CSF1R: variants seen among roughly 807,000 people sequenced by gnomAD.
The protein encoded by CSF1R is colony stimulating factor 1 receptor, also known as macrophage colony-stimulating factor 1 receptor.
Under a neutral mutation model 110.0 loss-of-function variants are expected in CSF1R, and 40 were observed. That is an observed-to-expected ratio of 0.36 (90% CI 0.28 to 0.47). CSF1R has a LOEUF of 0.47. Among genes scored for constraint, CSF1R ranks in the 20% least tolerant of loss-of-function variants. The probability of loss-of-function intolerance (pLI) is 0.99; values close to 1 mark genes in which losing one functional copy is unlikely to be tolerated. For missense variants in CSF1R, 1,052 were observed against 1,253.0 expected (o/e 0.84, Z 2.42); for synonymous variants, 523 against 503.4 (o/e 1.04, Z -0.52).
At chr5:150,065,858 A>T (rs960549686) in intron 10 of CSF1R, among the ~76,000 whole-genome samples, 1 of 152,156 alleles carries the variant, frequency 6.6e-6, no homozygotes, top group Non-Finnish European at 1.5e-5. Flanking sequence ...AGAGTTCCTA[A>T]ACCACAGCCA....
chr5:150,061,454 C>CCCCCCCTCCCTT, intron 12 of CSF1R, 37 bp downstream of exon 12: 1 of 190,032 alleles, frequency 5.3e-6, no homozygotes, highest in Admixed American at 6.8e-5. Context: ...GCATCTACCA[C>CCCCCCCTCCCTT]CCCCCATCCC....
chr5:150,054,921 T>C (rs1372915171), intron 19 of CSF1R: 3 of 297,216 alleles, frequency 1.0e-5, no homozygotes, highest in Non-Finnish European at 1.9e-5. Context: ...GCCCTGAAGA[T>C]TGAGGCTGCA....
chr5:150,109,062 C>A (rs564753241), intron 1 of CSF1R, among the ~76,000 whole-genome samples: 71,395 of 121,252 alleles, frequency 0.59, 19,833 homozygotes, highest in East Asian at 0.86. Flanking sequence ...AAGCCCGCCC[C>A]CCCCCCACCA....
chr5:150,088,607 C>T (rs967027677), upstream of CSF1R, among the ~76,000 whole-genome samples: 1 of 151,758 alleles, frequency 6.6e-6, no homozygotes, highest in Non-Finnish European at 1.5e-5. Context: ...AATCTCGGCT[C>T]ACTGCAACCT....
chr5:150,102,168 G>C lies in CSF1R; in HGVS notation c.-181+11093C>G, dbSNP rs577217658. ...TCCATTCATAGAAGTGGGATCGCCG[G>C]GTCAAAGGGTAGGTACGTTAAAACA... On this transcript the variant is annotated intron_variant, in intron 1 of 21. Coordinates refer to the CSF1R transcript ENST00000286301. Among the ~76,000 whole-genome samples the C allele has an allele frequency of 9.2e-5, 14 of 152,126 alleles. No individual in the cohort carries two copies. In the South Asian group the frequency reaches 2.9e-3, roughly 32 times the overall value.
Position 150,054,126 on chromosome 5 carries a change from G to A in CSF1R, c.2862C>T (p.Cys954=), listed in dbSNP as rs56005231. The A allele has an allele frequency of 3.9e-4, 627 of 1,613,962 alleles. No individual in the cohort carries two copies. The highest frequency in any genetic ancestry group is 3.7e-3 in the African/African-American group (275 of 75,034). The change falls in exon 21 of 21, where the codon TGC becomes TGT. Residue 954 remains cysteine (C), a synonymous_variant. Transcript: ENST00000675795. ...EESSSEHLTC[C]EQGDIAQPLL... The stretch of plus-strand genomic sequence containing the variant: ...AGGGCTGGGCGATATCCCCTTGCTC[G>A]CAGCAGGTCAGGTGCTCACTAGAGC...
chr5:150,066,977 C>T (rs963348097), intron 10 of CSF1R: 6 of 153,476 alleles, frequency 3.9e-5, no homozygotes, highest in Non-Finnish European at 7.3e-5. Flanking sequence ...CTCCAAAGCC[C>T]GTCCCACCAA....
intron 9 of CSF1R, among the ~76,000 whole-genome samples, chr5:150,068,884 T>C (rs1209972199): frequency 6.6e-6 from 1 of 152,208 alleles, no homozygotes; most frequent in Non-Finnish European, 1.5e-5. Context: ...GAGAACATAA[T>C]TTCCACTTCC....
intron 1 of CSF1R, among the ~76,000 whole-genome samples, chr5:150,085,723 A>G (rs1001859671): frequency 5.3e-5 from 8 of 152,134 alleles, no homozygotes; most frequent in Non-Finnish European, 8.8e-5. Context: ...AGAGAGGCCA[A>G]CCTCTTGTCT....
upstream of CSF1R, among the ~76,000 whole-genome samples, chr5:150,087,941 G>A (rs1314386450): frequency 1.3e-5 from 2 of 152,134 alleles, no homozygotes; most frequent in Non-Finnish European, 2.9e-5. Context: ...TCACCATGTT[G>A]TCCAGGCTGG....
At chr5:150,079,958 C>G in intron 3 of CSF1R, 94 bp downstream of exon 3, 1 of 1,429,582 alleles carries the variant, frequency 7.0e-7, no homozygotes, top group Non-Finnish European at 9.6e-7. Context: ...CCACTGCCCC[C>G]CATCACACCC....
chr5:150,062,371 A>G (rs1757570760), intron 10 of CSF1R, among the ~76,000 whole-genome samples: 1 of 146,648 alleles, frequency 6.8e-6, no homozygotes, highest in Non-Finnish European at 1.5e-5. Context: ...CAGTTTCCAG[A>G]GCTCTTTTCA....
At chr5:150,093,182 G>A (rs762263579) in intron 1 of CSF1R, among the ~76,000 whole-genome samples, 8 of 152,240 alleles carry the variant, frequency 5.3e-5, no homozygotes, top group Middle Eastern at 6.8e-3. Flanking sequence ...AGGTTCAAGC[G>A]ATTCTCACGC....
At position 150,061,539 on chromosome 5, in the gene CSF1R, G is replaced by A; in HGVS notation, c.1810C>T (p.Leu604=). Reference sequence around the variant, plus strand: ...TTCAGGACAGCATCCTCCTTGCCCAGACCAAAGGCCGTGGCCTCCACCACC... The same window carrying A: ...TTCAGGACAGCATCCTCCTTGCCCAAACCAAAGGCCGTGGCCTCCACCACC... ...GKVVEATAFG[L]GKEDAVLKVA... The change falls in exon 12 of 21, where the codon CTG becomes TTG. Residue 604 remains leucine (L), a synonymous_variant. Coordinates refer to ENST00000675795, the MANE Select transcript of CSF1R (RefSeq NM_001288705.3). The A allele has an allele frequency of 6.4e-7, 1 of 1,565,618 alleles. No homozygotes were observed. Among genetic ancestry groups the A allele is most frequent in the East Asian group, 2.4e-5 (1 of 41,990 alleles).
Position 150,061,599 on chromosome 5 carries a change from C to CCACG in CSF1R, c.1754-8_1754-5dup, listed in dbSNP as rs1185335915. The CCACG allele has an allele frequency of 1.2e-6, 2 of 1,613,986 alleles. No individual in the cohort carries two copies. Among genetic ancestry groups the CCACG allele is most frequent in the Non-Finnish European group, 1.7e-6 (2 of 1,180,020 alleles). Reference sequence around the variant, plus strand: ...GCTCCAGCTCCGAGGGTCTTACCTGCCACGCACACAGGTCCCTTAAGTCCC... The same window carrying CCACG: ...GCTCCAGCTCCGAGGGTCTTACCTGCCACGCACGCACACAGGTCCCTTAAGTCCC... On this transcript the variant is annotated splice_region_variant and splice_polypyrimidine_tract_variant and intron_variant, in intron 11 of 20. Transcript: ENST00000675795.
In CSF1R at chr5:150,061,817, G is replaced by T; in HGVS notation, c.1659C>A (p.Ile553=). 1 of 1,614,194 alleles carries T rather than the reference G, an allele frequency of 6.2e-7. No individual in the cohort carries two copies. The highest frequency in any genetic ancestry group is 8.5e-7 in the Non-Finnish European group (1 of 1,180,032). Residue 553 remains isoleucine, a synonymous_variant, in exon 11 of 21, where the codon ATC becomes ATA. Coordinates refer to ENST00000675795, the MANE Select transcript of CSF1R (RefSeq NM_001288705.3). Reference sequence around the variant, plus strand: ...TATAACTGTTGCCCTCATAGCTCTCGATGATCTTCCAGCGGACCTGGTACT... The same window carrying T: ...TATAACTGTTGCCCTCATAGCTCTCTATGATCTTCCAGCGGACCTGGTACT... ...KPKYQVRWKI[I]ESYEGNSYTF...
chr5:150,105,387 T>A (rs1233756255), intron 1 of CSF1R, among the ~76,000 whole-genome samples: 2,986 of 83,368 alleles, frequency 0.036, 35 homozygotes, highest in East Asian at 0.064. Context: ...TATATATATT[T>A]TTTTTTTTTT....
chr5:150,071,892 G>T (rs189330518), intron 6 of CSF1R, among the ~76,000 whole-genome samples: 1 of 152,338 alleles, frequency 6.6e-6, no homozygotes, highest in Admixed American at 6.5e-5. Context: ...AAACATCCTT[G>T]TTGCTTCTGA....
intron 1 of CSF1R, among the ~76,000 whole-genome samples, chr5:150,110,912 GTT>G (rs67908809): frequency 1.4e-5 from 2 of 144,694 alleles, no homozygotes; most frequent in Admixed American, 6.9e-5. Context: ...GTATCAAGTA[GTT>G]TTTTTTTTTT....
Sources: gnomAD v4.1 joint callset for allele counts (sites outside exome capture counted in the v4.1 genomes callset) on GRCh38, gnomAD v4.1.1 for gene constraint, MANE v1.5 for transcripts, NCBI Gene and HGNC (gene_info 2026-07-23, HGNC 2026-07-21) for gene names.